Variants in DTNA observed in about 807,000 individuals in gnomAD.
DTNA encodes dystrophin-related protein 3.
Under a neutral mutation model 100.7 loss-of-function variants are expected in DTNA, and 43 were observed. The observed-to-expected ratio is 0.43, with a 90% CI of 0.33 to 0.55. The LOEUF (loss-of-function observed/expected upper bound fraction) is 0.55. DTNA is among the 20% of genes least tolerant of loss of function. DTNA has a pLI of 0.04. For synonymous variants in DTNA, 349 were observed against 347.9 expected, an observed-to-expected ratio of 1.00 and a Z score of -0.04; for missense variants, 798 against 953.9, an observed-to-expected ratio of 0.84 and a Z score of 2.15.
intron 4 of DTNA, among the ~76,000 whole-genome samples, chr18:34,801,086 C>T (rs2095192093): frequency 6.6e-6 from 1 of 152,096 alleles, no homozygotes; most frequent in East Asian, 1.9e-4. Context: ...AGGGTAAGTG[C>T]CTTCCTCTTT....
intron 19 of DTNA, among the ~76,000 whole-genome samples, chr18:34,878,493 T>G (rs1366821621): frequency 6.6e-5 from 10 of 152,134 alleles, no homozygotes; most frequent in Admixed American, 1.3e-4. Context: ...TTTTTTGAGA[T>G]GGGGTCTTGC....
chr18:34,563,969 G>A (rs907504366), intron 1 of DTNA, among the ~76,000 whole-genome samples: 4 of 122,526 alleles, frequency 3.3e-5, no homozygotes, highest in African/African-American at 1.1e-4. Flanking sequence ...GCTTTCGTAT[G>A]TGTGTGTGTG....
At chr18:34,684,907 A>C (rs559692351) in intron 1 of DTNA, among the ~76,000 whole-genome samples, 1 of 152,222 alleles carries the variant, frequency 6.6e-6, no homozygotes, top group South Asian at 2.1e-4. Context: ...AGTGATGATG[A>C]GCTTCTTTTC....
intron 15 of DTNA, among the ~76,000 whole-genome samples, chr18:34,853,007 C>T (rs912497242): frequency 6.6e-6 from 1 of 152,114 alleles, no homozygotes; most frequent in Non-Finnish European, 1.5e-5. Context: ...GAGGCCATGG[C>T]TAAATGGTCC....
chr18:34,882,606 G>T (rs757232265), intron 21 of DTNA, among the ~76,000 whole-genome samples: 1 of 151,956 alleles, frequency 6.6e-6, no homozygotes, highest in Admixed American at 6.6e-5. Flanking sequence ...CTGACCTCGC[G>T]ATCCACCCAC....
intron 4 of DTNA, among the ~76,000 whole-genome samples, chr18:34,798,209 A>G (rs889857803): frequency 6.6e-6 from 1 of 152,166 alleles, no homozygotes; most frequent in South Asian, 2.1e-4. Context: ...CATATTGCTC[A>G]GGCTGGTCTT....
chr18:34,624,837 A>G (rs1599223436), intron 1 of DTNA, among the ~76,000 whole-genome samples: 1 of 152,090 alleles, frequency 6.6e-6, no homozygotes. Context: ...GAATAGGGTA[A>G]TTAATTCCAG....
chr18:34,844,099 A>G (rs2096328374), intron 13 of DTNA, among the ~76,000 whole-genome samples: 1 of 152,122 alleles, frequency 6.6e-6, no homozygotes, highest in Non-Finnish European at 1.5e-5. Context: ...AGACTGTCAC[A>G]TCAGGAACAG....
chr18:34,548,228 C>T (rs1008235453), intron 1 of DTNA, among the ~76,000 whole-genome samples: 5 of 151,970 alleles, frequency 3.3e-5, no homozygotes, highest in Admixed American at 3.3e-4. Context: ...AAATTTTAGG[C>T]CTACCCTGTC....
intron 3 of DTNA, among the ~76,000 whole-genome samples, chr18:34,781,528 A>G (rs1342258908): frequency 1.3e-5 from 2 of 152,088 alleles, no homozygotes; most frequent in Non-Finnish European, 2.9e-5. Context: ...TACACTCCTC[A>G]TGTTCTTTAT....
chr18:34,741,974 A>G (rs544105095), intron 1 of DTNA, among the ~76,000 whole-genome samples: 19 of 152,288 alleles, frequency 1.2e-4, no homozygotes, highest in African/African-American at 4.3e-4. Context: ...TTCCTCATCT[A>G]CAAAATGAGG....
At chr18:34,623,975 G>A (rs899775230) in intron 1 of DTNA, among the ~76,000 whole-genome samples, 40 of 152,194 alleles carry the variant, frequency 2.6e-4, no homozygotes, top group African/African-American at 9.2e-4. Context: ...TTCTTAAGTG[G>A]GGAAAACATG....
intron 11 of DTNA, among the ~76,000 whole-genome samples, chr18:34,837,608 G>T (rs2096179184): frequency 6.6e-6 from 1 of 152,178 alleles, no homozygotes; most frequent in Non-Finnish European, 1.5e-5. Flanking sequence ...CCACAGCCAA[G>T]ATCATGTGGC....
At chr18:34,701,676 G>A (rs1340134183) in intron 1 of DTNA, among the ~76,000 whole-genome samples, 3 of 152,020 alleles carry the variant, frequency 2.0e-5, no homozygotes, top group East Asian at 3.9e-4. Flanking sequence ...TTCCCTCAGC[G>A]CATTCCTGCA....
At chr18:34,791,723 C>T (rs2094752563) in intron 3 of DTNA, among the ~76,000 whole-genome samples, 1 of 152,196 alleles carries the variant, frequency 6.6e-6, no homozygotes, top group Non-Finnish European at 1.5e-5. Context: ...GATTTGTACT[C>T]ATCTGCTCCA....
At chr18:34,821,383 T>C in intron 9 of DTNA, 1 of 452,044 alleles carries the variant, frequency 2.2e-6, no homozygotes, top group Non-Finnish European at 4.4e-6. Flanking sequence ...TGTATAACTT[T>C]AGAAGAATCA....
rs150254745 is a variant in DTNA, at chr18:34,890,081, G to T, written c.*2347G>T. ...GTGGCACTCCACCACTGACTGGACC[G>T]AGCTGGCATATGTTGTTTCTTTGTG... On this transcript the variant is annotated 3_prime_UTR_variant, in exon 23 of 23. Transcript: ENST00000444659. The T allele has an allele frequency of 1.7e-5, 24 of 1,374,508 alleles. No individual in the cohort carries two copies. The East Asian group carries it at 6.1e-4, about 35-fold the overall frequency. The allele number at this position is 1,374,508 out of a possible 1,614,324, so 85.1% of individuals were successfully genotyped here.
chr18:34,790,713 G>C (rs1375445878), intron 3 of DTNA, among the ~76,000 whole-genome samples: 1 of 151,564 alleles, frequency 6.6e-6, no homozygotes, highest in East Asian at 2.0e-4. Context: ...CAGCATACAA[G>C]TGATATGTCA....
At chr18:34,516,744 T>G (rs923885767) in intron 1 of DTNA, among the ~76,000 whole-genome samples, 4 of 152,148 alleles carry the variant, frequency 2.6e-5, no homozygotes, top group Non-Finnish European at 4.4e-5. Flanking sequence ...CCAATAGTTA[T>G]CTCCCTTGTT....
Sources: allele counts gnomAD v4.1 joint callset (sites outside exome capture counted in the v4.1 genomes callset), GRCh38; gene constraint gnomAD v4.1.1; transcripts MANE v1.5; gene names NCBI Gene and HGNC (gene_info 2026-07-23, HGNC 2026-07-21).